GALNTL6: variants seen among roughly 807,000 people sequenced by gnomAD.
GALNTL6 encodes polypeptide N-acetylgalactosaminyltransferase-like 6.
A neutral mutation model predicts 73.7 loss-of-function variants in GALNTL6; 46 were observed. The ratio of observed to expected loss-of-function variants is 0.62; its 90% CI spans 0.49 to 0.80. The LOEUF (loss-of-function observed/expected upper bound fraction) is 0.80. Ranked by LOEUF, GALNTL6 falls within the 30% of genes least tolerant of loss-of-function variation. The pLI is 0.00. For missense variants in GALNTL6, 604 were observed against 755.0 expected, an observed-to-expected ratio of 0.80 and a Z score of 2.34; for synonymous variants, 259 against 263.7, an observed-to-expected ratio of 0.98 and a Z score of 0.17.
At chr4:172,146,227 C>G (rs765025953) in intron 2 of GALNTL6, among the ~76,000 whole-genome samples, 1 of 152,122 alleles carries the variant, frequency 6.6e-6, no homozygotes, top group Non-Finnish European at 1.5e-5. Flanking sequence ...CACATTCTGC[C>G]GCCCTTCAGT....
At chr4:172,592,670 GTCTA>G (rs5864141) in intron 5 of GALNTL6, among the ~76,000 whole-genome samples, 3,852 of 142,048 alleles carry the variant, frequency 0.027, 137 homozygotes, top group African/African-American at 0.077. Flanking sequence ...CTGTCTGTCT[GTCTA>G]TCTATCTATC....
intron 5 of GALNTL6, among the ~76,000 whole-genome samples, chr4:172,541,720 T>C (rs1189008747): frequency 2.6e-5 from 4 of 152,146 alleles, no homozygotes; most frequent in Non-Finnish European, 5.9e-5. Context: ...CCTGCTAGGA[T>C]TTGAGAGGGC....
chr4:172,522,468 C>T (rs897273241), intron 5 of GALNTL6, among the ~76,000 whole-genome samples: 3 of 152,054 alleles, frequency 2.0e-5, no homozygotes, highest in African/African-American at 7.2e-5. Context: ...GTTGGGATTT[C>T]GAGATTAGCC....
At chr4:172,747,866 A>C (rs145619931) in intron 5 of GALNTL6, among the ~76,000 whole-genome samples, 1,950 of 150,442 alleles carry the variant, frequency 0.013, 25 homozygotes, top group Non-Finnish European at 0.018. Context: ...AGGAAAATAC[A>C]TGTCATCATT....
chr4:172,515,969 A>G (rs1734592190), intron 5 of GALNTL6, among the ~76,000 whole-genome samples: 1 of 152,210 alleles, frequency 6.6e-6, no homozygotes, highest in African/African-American at 2.4e-5. Flanking sequence ...TTCAGGAATT[A>G]GTAACTCTAT....
At chr4:172,086,505 C>T (rs183109985) in intron 2 of GALNTL6, among the ~76,000 whole-genome samples, 122 of 151,854 alleles carry the variant, frequency 8.0e-4, no homozygotes, top group Non-Finnish European at 1.4e-3. Flanking sequence ...AAACTTTATT[C>T]CTAAAGTTTA....
At chr4:172,347,548 C>A (rs1052667372) in intron 4 of GALNTL6, among the ~76,000 whole-genome samples, 2 of 152,066 alleles carry the variant, frequency 1.3e-5, no homozygotes. Context: ...TAATTATGAC[C>A]AGGTATGCTG....
chr4:171,988,916 T>C (rs1039529983), intron 2 of GALNTL6, among the ~76,000 whole-genome samples: 16 of 152,012 alleles, frequency 1.1e-4, no homozygotes, highest in Admixed American at 2.0e-4. Flanking sequence ...AAGGAGGCTT[T>C]GAACTGGGGG....
rs1236250746 is a variant in GALNTL6, at chr4:171,966,444, G to A, written c.138+151726G>A. On this transcript the variant is annotated intron_variant, in intron 2 of 12. Transcript: ENST00000506823. ...GCTTTGGCAATTCAATATGGAGAGC[G>A]CTAAAGGTGGGCTCCAGGTAGGGAT... Among the ~76,000 whole-genome samples, 6 of 152,240 alleles carry A rather than the reference G, an allele frequency of 3.9e-5. No homozygotes were observed. In the East Asian group the frequency reaches 1.2e-3, roughly 30 times the overall value.
intron 2 of GALNTL6, among the ~76,000 whole-genome samples, chr4:172,077,067 T>A (rs1731721970): frequency 6.6e-6 from 1 of 152,208 alleles, no homozygotes; most frequent in Admixed American, 6.5e-5. Context: ...CTGAGGCTTC[T>A]CAGTCATGCT....
intron 11 of GALNTL6, among the ~76,000 whole-genome samples, chr4:173,019,262 G>C (rs1297109206): frequency 6.6e-6 from 1 of 152,186 alleles, no homozygotes; most frequent in Non-Finnish European, 1.5e-5. Context: ...ATGTCCATGG[G>C]ACATGCAGCT....
intron 5 of GALNTL6, among the ~76,000 whole-genome samples, chr4:172,599,171 C>T (rs11132952): frequency 0.46 from 69,648 of 151,950 alleles, 17,762 homozygotes; most frequent in East Asian, 0.68. Flanking sequence ...CAAATAAATG[C>T]GCATGCAGGT....
At chr4:172,148,432 T>C (rs764068225) in intron 2 of GALNTL6, among the ~76,000 whole-genome samples, 10 of 151,740 alleles carry the variant, frequency 6.6e-5, no homozygotes, top group Non-Finnish European at 1.0e-4. Context: ...AAAAACGTAT[T>C]GTTAGCCAGA....
intron 5 of GALNTL6, among the ~76,000 whole-genome samples, chr4:172,718,819 A>G (rs1485312470): frequency 6.6e-6 from 1 of 152,144 alleles, no homozygotes; most frequent in African/African-American, 2.4e-5. Context: ...CTTTTAAAAA[A>G]TAACAGCAAT....
At chr4:172,907,607 C>G (rs897559044) in intron 8 of GALNTL6, among the ~76,000 whole-genome samples, 1 of 152,194 alleles carries the variant, frequency 6.6e-6, no homozygotes, top group Admixed American at 6.5e-5. Context: ...TCCAAGACCC[C>G]AAATGGATGC....
intron 4 of GALNTL6, among the ~76,000 whole-genome samples, chr4:172,344,600 A>G (rs1436443826): frequency 6.6e-6 from 1 of 152,152 alleles, no homozygotes. Flanking sequence ...GTGATTAACA[A>G]TATTTGAAGT....
chr4:172,592,601 A>G (rs1274239300), intron 5 of GALNTL6, among the ~76,000 whole-genome samples: 1 of 152,184 alleles, frequency 6.6e-6, no homozygotes, highest in Non-Finnish European at 1.5e-5. Flanking sequence ...TTTTAGCACT[A>G]AAGTTTGAGA....
chr4:173,008,606 A>C (rs1007540549), intron 10 of GALNTL6, among the ~76,000 whole-genome samples: 1 of 152,232 alleles, frequency 6.6e-6, no homozygotes, highest in Non-Finnish European at 1.5e-5. Flanking sequence ...TGTCTCCCCA[A>C]GGAGTTTGGG....
At chr4:172,745,819 A>T (rs966380837) in intron 5 of GALNTL6, among the ~76,000 whole-genome samples, 8 of 152,132 alleles carry the variant, frequency 5.3e-5, no homozygotes, top group African/African-American at 1.9e-4. Context: ...TTCAAATATA[A>T]GATGAAAAAT....
Sources: gnomAD v4.1 joint callset for allele counts (sites outside exome capture counted in the v4.1 genomes callset) on GRCh38, gnomAD v4.1.1 for gene constraint, MANE v1.5 for transcripts, NCBI Gene and HGNC (gene_info 2026-07-23, HGNC 2026-07-21) for gene names.